AIMP2: variants seen among roughly 807,000 people sequenced by gnomAD.
AIMP2 encodes the protein aminoacyl tRNA synthetase complex interacting multifunctional protein 2, also known as aminoacyl tRNA synthase complex-interacting multifunctional protein 2.
A neutral mutation model predicts 23.4 loss-of-function variants in AIMP2; 20 were observed. That is an observed-to-expected ratio of 0.85 (90% CI 0.60 to 1.24). The LOEUF is 1.24. AIMP2 is among the 50% of genes most tolerant of loss of function. The pLI is 0.00. For missense variants in AIMP2, 515 were observed against 414.5 expected, an observed-to-expected ratio of 1.24 and a Z score of -2.10; for synonymous variants, 210 against 170.4, an observed-to-expected ratio of 1.23 and a Z score of -1.81.
intron 3 of AIMP2, chr7:6,022,452 T>C (rs1040044797): frequency 3.9e-5 from 6 of 152,122 alleles, no homozygotes; most frequent in African/African-American, 1.4e-4. Context: ...CCCCCCACTG[T>C]TCAAGGGTTA....
chr7:6,012,177 C>G (rs1313455272), intron 1 of AIMP2, among the ~76,000 whole-genome samples: 2 of 151,018 alleles, frequency 1.3e-5, no homozygotes, highest in South Asian at 2.1e-4. Context: ...CACTTGAGCC[C>G]AGGAGGTCAG....
rs111782762 is a variant in AIMP2, at chr7:6,010,449, T to G, written c.135+951T>G. 3.9e-3 allele frequency among the ~76,000 whole-genome samples: 73 copies of G among 18,736 alleles called. 1 individual carries two copies. The highest frequency in any genetic ancestry group is 4.0e-3 in the South Asian group (1 of 252). The allele number at this position is 18,736 out of a possible 152,430, so 12.3% of individuals were successfully genotyped here. A position where few individuals can be genotyped will look rare whatever the true frequency, so the allele number is the denominator to read the frequency against. On this transcript the variant is annotated intron_variant, in intron 1 of 3. Transcript: ENST00000223029. The stretch of plus-strand genomic sequence containing the variant: ...CTAAACAATATAGTCTGGTTTTTTG[T>G]TTTTTTTTTTGTTTTTTTCAGATGG...
chr7:6,015,000 G>A (rs574136244), intron 1 of AIMP2, 146 bp from the exon 2 acceptor site: 8 of 1,500,144 alleles, frequency 5.3e-6, no homozygotes, highest in South Asian at 5.2e-5. Flanking sequence ...GATTACAGGC[G>A]TGAGCCACCA....
At position 6,023,600 on chromosome 7, in the gene AIMP2, G is replaced by C; in HGVS notation, c.872G>C (p.Cys291Ser). The stretch of plus-strand genomic sequence containing the variant: ...TCTGTACTCCAGCAGATCGGAGGCT[G>C]CAGTGTGACAGTGCCAGCCAATGTG... Reference protein sequence around the residue: ...LWSVLQQIGGCSVTVPANVQR... With the variant: ...LWSVLQQIGGSSVTVPANVQR... Residue 291 changes from cysteine (C) to serine (S), a missense_variant, in exon 4 of 4, where the codon TGC becomes TCC. Physicochemically the swap from Cys to Ser is moderately radical, Grantham distance 112. Coordinates refer to ENST00000223029, the MANE Select transcript of AIMP2 (RefSeq NM_006303.4). The C allele has an allele frequency of 6.2e-7, 1 of 1,614,222 alleles. No individual in the cohort carries two copies. Among genetic ancestry groups the C allele is most frequent in the East Asian group, 2.2e-5 (1 of 44,890 alleles).
chr7:6,017,990 TAAAAA>T lies in AIMP2; in HGVS notation c.521_525del (p.Lys174ThrfsTer51). The T allele has an allele frequency of 6.2e-7, 1 of 1,610,820 alleles. No individual in the cohort carries two copies. The highest frequency in any genetic ancestry group is 8.5e-7 in the Non-Finnish European group (1 of 1,177,716). On this transcript the variant is annotated frameshift_variant, in exon 3 of 4. Coordinates refer to ENST00000223029, the MANE Select transcript of AIMP2 (RefSeq NM_006303.4). LOFTEE classifies it high-confidence loss of function. ...TTCTCAAGTGCTTTGGAGAACAGAA[TAAAAA>T]ACAGCCCCGCCAAGACTATCAGCTG...
chr7:6,023,563 G>A lies in AIMP2; in HGVS notation c.835G>A (p.Val279Met), dbSNP rs374123170. ...LAGNELTVAD[V>M]VLWSVLQQIG... ...TGGGAATGAACTCACCGTAGCAGAC[G>A]TGGTGCTGTGGTCTGTACTCCAGCA... is the stretch of plus-strand genomic sequence containing the variant. Residue 279 changes from valine (V) to methionine (M), a missense_variant, in exon 4 of 4, where the codon GTG becomes ATG. Physicochemically the swap from Val to Met is conservative, Grantham distance 21 (BLOSUM62 1). Transcript: ENST00000223029. 20 of 1,614,118 alleles carry A rather than the reference G, an allele frequency of 1.2e-5. No homozygotes were observed. Among genetic ancestry groups the A allele is most frequent in the African/African-American group, 6.7e-5 (5 of 74,936 alleles).
chr7:6,010,342 C>T (rs1378017345), intron 1 of AIMP2, among the ~76,000 whole-genome samples: 1 of 151,900 alleles, frequency 6.6e-6, no homozygotes, highest in Non-Finnish European at 1.5e-5. Flanking sequence ...TTAAACCTTC[C>T]CTCTCCACCC....
At position 6,011,977 on chromosome 7, in the gene AIMP2, G is replaced by T. The variant is rs576010120; in HGVS notation, c.135+2479G>T. On this transcript the variant is annotated intron_variant, in intron 1 of 3. Transcript: ENST00000223029. ...ATTAGCCATAAAACATCTTGGCCAG[G>T]CGCAGTGGCCCACGTCTGTAATCCC... Among the ~76,000 whole-genome samples the T allele has an allele frequency of 7.2e-5, 11 of 152,336 alleles. No homozygotes were observed. In the South Asian group the frequency reaches 2.3e-3, roughly 32 times the overall value.
Position 6,015,230 on chromosome 7 carries a change from G to T in AIMP2, c.220G>T (p.Asp74Tyr). 6.2e-7 allele frequency: 1 copy of T among 1,614,198 alleles called. No homozygotes were observed. The highest frequency in any genetic ancestry group is 8.5e-7 in the Non-Finnish European group (1 of 1,180,042). Residue 74 changes from aspartate to tyrosine, a missense_variant, in exon 2 of 4, where the codon GAT becomes TAT. Physicochemically the swap from Asp to Tyr is radical, Grantham distance 160. Transcript: ENST00000223029. ...TCTGTATGAGTTGAAAGCTGCAGTT[G>T]ATGGCCTCTCCAAGATGATTCAAAC... is the stretch of plus-strand genomic sequence containing the variant. ...KRLYELKAAV[D>Y]GLSKMIQTPD...
At chr7:6,020,571 T>TTAGATCA (rs1469011734) in intron 3 of AIMP2, among the ~76,000 whole-genome samples, 6 of 152,160 alleles carry the variant, frequency 3.9e-5, no homozygotes, top group Non-Finnish European at 8.8e-5. Context: ...GCTGGAGAGT[T>TTAGATCA]TAATGCCAGC....
At chr7:6,018,733 C>T (rs1448769659) in intron 3 of AIMP2, among the ~76,000 whole-genome samples, 3 of 151,586 alleles carry the variant, frequency 2.0e-5, no homozygotes, top group Non-Finnish European at 2.9e-5. Context: ...ACTCGGGAGG[C>T]GGAGGCAGGA....
In AIMP2 at chr7:6,009,281, G is replaced by A. The variant is rs566011847; in HGVS notation, c.-83G>A. The A allele has an allele frequency of 1.9e-6, 3 of 1,606,182 alleles. No homozygotes were observed. The highest frequency in any genetic ancestry group is 1.7e-5 in the Admixed American group (1 of 59,714). On this transcript the variant is annotated 5_prime_UTR_variant, in exon 1 of 4. In the 5' UTR this introduces an upstream ATG that the reference lacks. Transcript: ENST00000223029. ...CGCCCGCAGCAGGGTCAGAAGGGAG[G>A]TGGCCGGTCTCCGTCGTGACCTCTG...
chr7:6,014,339 C>A (rs1046668410), intron 1 of AIMP2, among the ~76,000 whole-genome samples: 1 of 146,404 alleles, frequency 6.8e-6, no homozygotes, highest in Non-Finnish European at 1.5e-5. Flanking sequence ...CTCACTGCAA[C>A]CCCCGCCTCC....
Position 6,023,575 on chromosome 7 carries a change from T to C in AIMP2, c.847T>C (p.Ser283Pro). 2 of 1,614,240 alleles carry C rather than the reference T, an allele frequency of 1.2e-6. No individual in the cohort carries two copies. The highest frequency in any genetic ancestry group is 1.7e-6 in the Non-Finnish European group (2 of 1,180,050). Residue 283 changes from serine to proline, a missense_variant, in exon 4 of 4, where the codon TCT becomes CCT. By Grantham distance (74) the Ser-to-Pro change is moderately conservative (BLOSUM62 -1). Coordinates refer to ENST00000223029, the MANE Select transcript of AIMP2 (RefSeq NM_006303.4). ...ELTVADVVLW[S>P]VLQQIGGCSV... ...CACCGTAGCAGACGTGGTGCTGTGG[T>C]CTGTACTCCAGCAGATCGGAGGCTG...
At chr7:6,009,949 CAAAAAAAAA>C (rs1156596688) in intron 1 of AIMP2, among the ~76,000 whole-genome samples, 1 of 22,476 alleles carries the variant, frequency 4.4e-5, no homozygotes, top group African/African-American at 1.6e-4. Flanking sequence ...AACTCTATCT[CAAAAAAAAA>C]AAAAAAAAAA....
intron 1 of AIMP2, among the ~76,000 whole-genome samples, chr7:6,011,268 G>T (rs890936888): frequency 3.3e-5 from 5 of 152,132 alleles, no homozygotes; most frequent in Non-Finnish European, 7.4e-5. Context: ...TGGTTTATGC[G>T]CTCGCTCACC....
At position 6,009,390 on chromosome 7, in the gene AIMP2, T is replaced by C; in HGVS notation, c.27T>C (p.Tyr9=). The part of the protein sequence containing the change: MPMYQVKP[Y]HGGGAPLRVE... ...TGCCGATGTACCAGGTAAAGCCCTA[T>C]CACGGGGGCGGCGCGCCTCTCCGTG... Residue 9 remains tyrosine (Y), a synonymous_variant, in exon 1 of 4, where the codon TAT becomes TAC. Transcript: ENST00000223029. The C allele has an allele frequency of 1.2e-6, 2 of 1,611,678 alleles. No individual in the cohort carries two copies. Among genetic ancestry groups the C allele is most frequent in the Non-Finnish European group, 1.7e-6 (2 of 1,180,000 alleles).
intron 3 of AIMP2, among the ~76,000 whole-genome samples, chr7:6,018,711 G>A (rs1284331071): frequency 1.3e-5 from 2 of 151,714 alleles, no homozygotes; most frequent in East Asian, 4.0e-4. Flanking sequence ...GCAGGCGCCT[G>A]TAATCCCAGC....
Position 6,023,530 on chromosome 7 carries a change from T to C in AIMP2, c.802T>C (p.Trp268Arg). ...GAACTCTGCTCTTGGGAAGAGCCCT[T>C]GGCTCGCTGGGAATGAACTCACCGT... ...SMNSALGKSP[W>R]LAGNELTVAD... Residue 268 changes from tryptophan (W) to arginine (R), a missense_variant, in exon 4 of 4, where the codon TGG becomes CGG. Trp to Arg is a moderately radical substitution (Grantham distance 101). Coordinates refer to ENST00000223029, the MANE Select transcript of AIMP2 (RefSeq NM_006303.4). 4 of 1,614,226 alleles carry C rather than the reference T, an allele frequency of 2.5e-6. No homozygotes were observed. The highest frequency in any genetic ancestry group is 2.5e-6 in the Non-Finnish European group (3 of 1,180,040).
Sources: gnomAD v4.1 joint callset for allele counts (sites outside exome capture counted in the v4.1 genomes callset) on GRCh38, gnomAD v4.1.1 for gene constraint, MANE v1.5 for transcripts, NCBI Gene and HGNC (gene_info 2026-07-23, HGNC 2026-07-21) for gene names.